The following HERC3 variants were observed in gnomAD, a reference collection of about 807,000 sequenced individuals.
HERC3 encodes the protein HECT and RLD domain containing E3 ubiquitin protein ligase 3, also known as probable E3 ubiquitin-protein ligase HERC3.
HERC3 carries 58 observed loss-of-function variants against 129.9 expected under a neutral mutation model. The ratio of observed to expected loss-of-function variants is 0.45; its 90% CI spans 0.36 to 0.56. The LOEUF is 0.56. Ranked by LOEUF, HERC3 falls within the 20% of genes least tolerant of loss-of-function variation. HERC3 has a pLI of 0.00. For synonymous variants in HERC3, 430 were observed against 451.0 expected, an observed-to-expected ratio of 0.95 and a Z score of 0.59; for missense variants, 835 against 1,244.2, an observed-to-expected ratio of 0.67 and a Z score of 4.95.
At chr4:88,652,161 A>G (rs952478079) in intron 5 of HERC3, 73 bp downstream of exon 5, 1 of 1,165,298 alleles carries the variant, frequency 8.6e-7, no homozygotes, top group Non-Finnish European at 1.3e-6. Flanking sequence ...TTTGTGTGAT[A>G]TTATCTAACT....
intron 3 of HERC3, among the ~76,000 whole-genome samples, chr4:88,627,290 G>A (rs1437668229): frequency 6.6e-6 from 1 of 151,520 alleles, no homozygotes; most frequent in African/African-American, 2.4e-5. Context: ...CTGCATCATG[G>A]ATTCAAGCAA....
At chr4:88,607,019 G>A (rs577350475) in intron 3 of HERC3, among the ~76,000 whole-genome samples, 54 of 152,310 alleles carry the variant, frequency 3.5e-4, no homozygotes, top group Middle Eastern at 3.4e-3. Context: ...GCTGTTATGA[G>A]TGGAGGGATG....
At chr4:88,618,031 A>G (rs533392444) in intron 3 of HERC3, among the ~76,000 whole-genome samples, 16 of 152,348 alleles carry the variant, frequency 1.1e-4, no homozygotes, top group Admixed American at 8.5e-4. Flanking sequence ...GGATGTTGAG[A>G]AAAAGCTGGA....
At position 88,687,264 on chromosome 4, in the gene HERC3, TG is replaced by T. The variant is rs1560765546; in HGVS notation, c.2627del (p.Gly876GlufsTer4). 1 of 1,612,944 alleles carries T rather than the reference TG, an allele frequency of 6.2e-7. No homozygotes were observed. ...GVIEQKKLIP[G>X]GDNVTVCKDN... ...TGATTGAACAGAAGAAGCTGATACCTGGGGGAGATAATGTAACTGTGTGCAA... is the reference window on the plus strand; with the variant it reads ...TGATTGAACAGAAGAAGCTGATACCTGGGGAGATAATGTAACTGTGTGCAA... On this transcript the variant is annotated frameshift_variant, in exon 23 of 26. Coordinates refer to ENST00000402738, the MANE Select transcript of HERC3 (RefSeq NM_014606.3). LOFTEE classifies it high-confidence loss of function.
At chr4:88,543,039 G>A in the HERC3 span, among the ~76,000 whole-genome samples, 7 of 152,184 alleles carry the variant, frequency 4.6e-5, no homozygotes, top group South Asian at 6.2e-4. Context: ...AGACAAGGGT[G>A]CCCTCTCTCA....
chr4:88,676,765 T>C (rs1277512482), intron 18 of HERC3, among the ~76,000 whole-genome samples: 1 of 152,240 alleles, frequency 6.6e-6, no homozygotes, highest in African/African-American at 2.4e-5. Flanking sequence ...CAAAACTTTA[T>C]GTATGTTGAA....
the HERC3 span, among the ~76,000 whole-genome samples, chr4:88,551,686 G>A: frequency 1.3e-5 from 2 of 152,164 alleles, no homozygotes; most frequent in Non-Finnish European, 2.9e-5. Context: ...ACTGTTGGTG[G>A]GACTGTAAAC....
chr4:88,637,116 G>A (rs188000825), intron 3 of HERC3, among the ~76,000 whole-genome samples: 1 of 151,896 alleles, frequency 6.6e-6, no homozygotes, highest in African/African-American at 2.4e-5. Flanking sequence ...GTGGCAGAGT[G>A]AGATGCCATC....
chr4:88,662,954 C>A (rs1260530652), intron 11 of HERC3, among the ~76,000 whole-genome samples: 1 of 149,806 alleles, frequency 6.7e-6, no homozygotes, highest in Non-Finnish European at 1.5e-5. Flanking sequence ...TAATTTCTAG[C>A]ATTTTCCTAT....
At chr4:88,525,133 A>T in the HERC3 span, 13 of 152,128 alleles carry the variant, frequency 8.5e-5, no homozygotes, top group East Asian at 1.9e-4. Context: ...CTTCTACTGG[A>T]TAGATATTTA....
chr4:88,539,074 AG>A, the HERC3 span, among the ~76,000 whole-genome samples: 1 of 152,148 alleles, frequency 6.6e-6, no homozygotes, highest in African/African-American at 2.4e-5. Context: ...CTGGTTGGGC[AG>A]TGGGTGCAAC....
At chr4:88,697,848 G>C in intron 23 of HERC3, 1 of 1,480,982 alleles carries the variant, frequency 6.8e-7, no homozygotes, top group Non-Finnish European at 9.0e-7. Context: ...GGCAAGTGGC[G>C]GTGACGTGCG....
chr4:88,677,878 G>T, intron 18 of HERC3, 86 bp from the exon 19 acceptor site: 4 of 1,188,002 alleles, frequency 3.4e-6, no homozygotes, highest in Non-Finnish European at 4.8e-6. Context: ...TGCAGTCAGC[G>T]CCCCCAAGTC....
intron 7 of HERC3, among the ~76,000 whole-genome samples, chr4:88,654,346 TTTCA>T (rs1485831554): frequency 3.5e-4 from 28 of 79,724 alleles, no homozygotes; most frequent in African/African-American, 1.2e-3. Flanking sequence ...CTTGTAGATT[TTTCA>T]TATATATATA....
At chr4:88,681,028 A>G (rs1732717096) in intron 20 of HERC3, 131 bp from the exon 21 acceptor site, 2 of 1,438,574 alleles carry the variant, frequency 1.4e-6, no homozygotes, top group African/African-American at 1.4e-5. Flanking sequence ...TTTCTTTGCT[A>G]CAGAAGGTAA....
At position 88,655,362 on chromosome 4, in the gene HERC3, T is replaced by TTG. The variant is rs888501549; in HGVS notation, c.908+60_908+61dup. On this transcript the variant is annotated intron_variant, in intron 8 of 25. Coordinates refer to ENST00000402738, the MANE Select transcript of HERC3 (RefSeq NM_014606.3). Reference sequence around the variant, plus strand: ...TAGGACCCAGAAATTGGTCTTATCTTTGTAGTGATGAAGAATGTGATTATA... The same window carrying TTG: ...TAGGACCCAGAAATTGGTCTTATCTTTGTGTAGTGATGAAGAATGTGATTATA... 3 of 1,589,374 alleles carry TTG rather than the reference T, an allele frequency of 1.9e-6. No individual in the cohort carries two copies. The African/African-American group carries it at 4.0e-5, about 21-fold the overall frequency.
Position 88,704,190 on chromosome 4 carries a change from G to A in HERC3, c.2750G>A (p.Cys917Tyr). 4 of 1,614,188 alleles carry A rather than the reference G, an allele frequency of 2.5e-6. No homozygotes were observed. The highest frequency in any genetic ancestry group is 3.4e-6 in the Non-Finnish European group (4 of 1,180,014). Residue 917 changes from cysteine (C) to tyrosine (Y), a missense_variant, in exon 24 of 26, where the codon TGT becomes TAT. Coordinates refer to ENST00000402738, the MANE Select transcript of HERC3 (RefSeq NM_014606.3). ...TTCTCTAGTGGCTTCCTAAAGGTGT[G>A]TGGTGGCAAAGTACTTGAGCTCTTC... ...TAFSSGFLKV[C>Y]GGKVLELFQP... is the part of the protein sequence containing the mutation.
At chr4:88,573,984 C>T in the HERC3 span, among the ~76,000 whole-genome samples, 5 of 152,202 alleles carry the variant, frequency 3.3e-5, no homozygotes, top group African/African-American at 4.8e-5. Context: ...TTCTTTCTCC[C>T]TCTCTGCCAT....
At chr4:88,586,401 C>G in the HERC3 span, among the ~76,000 whole-genome samples, 4 of 149,782 alleles carry the variant, frequency 2.7e-5, no homozygotes, top group East Asian at 7.8e-4. Context: ...TCTTGTTGCC[C>G]AGGCTGGAGT....
Sources: gnomAD v4.1 joint callset for allele counts (sites outside exome capture counted in the v4.1 genomes callset) on GRCh38, gnomAD v4.1.1 for gene constraint, MANE v1.5 for transcripts, NCBI Gene and HGNC (gene_info 2026-07-23, HGNC 2026-07-21) for gene names.